SLC1A3: variants seen among roughly 807,000 people sequenced by gnomAD.
The protein encoded by SLC1A3 is solute carrier family 1 member 3.
SLC1A3 carries 21 observed loss-of-function variants against 48.1 expected under a neutral mutation model. That is an observed-to-expected ratio of 0.44 (90% CI 0.31 to 0.63). The LOEUF (loss-of-function observed/expected upper bound fraction) is 0.63, where lower values mean the gene tolerates loss of function less well. Among genes scored for constraint, SLC1A3 ranks in the 20% least tolerant of loss-of-function variants. The probability of loss-of-function intolerance (pLI) is 0.08; values close to 1 mark genes in which losing one functional copy is unlikely to be tolerated. For synonymous variants in SLC1A3, 239 were observed against 251.4 expected (o/e 0.95, Z 0.47); for missense variants, 546 against 689.0 (o/e 0.79, Z 2.32).
intron 3 of SLC1A3, 37 bp downstream of exon 3, chr5:36,629,624 T>A (rs775633205): frequency 2.5e-6 from 4 of 1,586,258 alleles, no homozygotes; most frequent in Non-Finnish European, 3.5e-6. Context: ...TGGTTTTTTT[T>A]AAGTGTGTTT....
chr5:36,645,319 CT>C (rs68027582), intron 3 of SLC1A3, among the ~76,000 whole-genome samples: 33,953 of 83,028 alleles, frequency 0.41, 13,453 homozygotes, highest in East Asian at 0.53. Context: ...CTTCCGCTGC[CT>C]TTTTTTTTTT....
intron 3 of SLC1A3, among the ~76,000 whole-genome samples, chr5:36,652,314 G>GCA (rs1415629131): frequency 4.7e-5 from 6 of 127,550 alleles, no homozygotes; most frequent in Non-Finnish European, 8.8e-5. Flanking sequence ...TGGCGTGAGC[G>GCA]CACACACACA....
At chr5:36,611,662 A>AT (rs1284926547) in intron 2 of SLC1A3, among the ~76,000 whole-genome samples, 1 of 152,188 alleles carries the variant, frequency 6.6e-6, no homozygotes, top group African/African-American at 2.4e-5. Context: ...AGGGCCCGTC[A>AT]TGAAAGCATT....
In SLC1A3 at chr5:36,620,062, A is replaced by C. The variant is rs1739601819; in HGVS notation, c.182-9388A>C. ...CCTGAAGAGATTGTGTGATTTGAAGATATGGAAACAGGCAGACCTAAGTTT... is the reference window on the plus strand; with the variant it reads ...CCTGAAGAGATTGTGTGATTTGAAGCTATGGAAACAGGCAGACCTAAGTTT... On this transcript the variant is annotated intron_variant, in intron 2 of 9. Coordinates refer to ENST00000265113, the MANE Select transcript of SLC1A3 (RefSeq NM_004172.5). Among the ~76,000 whole-genome samples the C allele has an allele frequency of 2.6e-5, 4 of 152,344 alleles. No homozygotes were observed. The South Asian group carries it at 8.3e-4, about 32-fold the overall frequency.
At chr5:36,622,867 C>T (rs1267948258) in intron 2 of SLC1A3, among the ~76,000 whole-genome samples, 1 of 151,068 alleles carries the variant, frequency 6.6e-6, no homozygotes, top group Non-Finnish European at 1.5e-5. Context: ...AAAAAATTAG[C>T]CGGGTGTGGT....
chr5:36,596,689 T>C (rs1738744708), intron 1 of SLC1A3, among the ~76,000 whole-genome samples: 1 of 152,188 alleles, frequency 6.6e-6, no homozygotes, highest in Non-Finnish European at 1.5e-5. Context: ...GTGAGTTCCA[T>C]CTTAAATATT....
chr5:36,671,508 T>C (rs1266746542), intron 4 of SLC1A3, among the ~76,000 whole-genome samples: 1 of 152,244 alleles, frequency 6.6e-6, no homozygotes, highest in Non-Finnish European at 1.5e-5. Flanking sequence ...CTCTCAACTA[T>C]GCAGCTCACC....
intron 3 of SLC1A3, among the ~76,000 whole-genome samples, chr5:36,659,518 C>T (rs974302901): frequency 2.6e-5 from 4 of 152,126 alleles, no homozygotes; most frequent in African/African-American, 9.7e-5. Flanking sequence ...CATCCATTTG[C>T]CAAGAGAGTG....
In SLC1A3 at chr5:36,686,819, CAA is replaced by C. The variant is rs147871333; in HGVS notation, c.*552_*553del. ...CACAGCTGTGAGGACAGACAGAAGG[CAA>C]AGTTTCCATGTGGCCTTGAGCAAGT... On this transcript the variant is annotated 3_prime_UTR_variant, in exon 10 of 10. Transcript: ENST00000265113. 43 of 169,944 alleles carry C rather than the reference CAA, an allele frequency of 2.5e-4. 1 individual carries two copies. The East Asian group carries it at 7.2e-3, about 28-fold the overall frequency. The allele number at this position is 169,944 out of a possible 1,614,324, so 10.5% of individuals were successfully genotyped here. A position where few individuals can be genotyped will look rare whatever the true frequency, so the allele number is the denominator to read the frequency against.
rs1445684476 is a variant in SLC1A3, at chr5:36,687,259, T to C, written c.*990T>C. ...ACTGATGATAGACTTCGAAAACAGA[T>C]GAGAAGACTAGCAGCTAGCAAGGGT... On this transcript the variant is annotated 3_prime_UTR_variant, in exon 10 of 10. Coordinates refer to ENST00000265113, the MANE Select transcript of SLC1A3 (RefSeq NM_004172.5). 6.6e-6 allele frequency: 1 copy of C among 152,210 alleles called. No individual in the cohort carries two copies. Among genetic ancestry groups the C allele is most frequent in the Admixed American group, 6.5e-5 (1 of 15,280 alleles). 9.4% of individuals were successfully genotyped at this position (152,210 alleles called of 1,614,324 possible). A position where few individuals can be genotyped will look rare whatever the true frequency, so the allele number is the denominator to read the frequency against.
chr5:36,626,788 C>T (rs376594331), intron 2 of SLC1A3, among the ~76,000 whole-genome samples: 1 of 152,106 alleles, frequency 6.6e-6, no homozygotes, highest in Non-Finnish European at 1.5e-5. Flanking sequence ...TTTATTAATT[C>T]CTATAAGTTA....
At chr5:36,622,371 T>G (rs1205405872) in intron 2 of SLC1A3, among the ~76,000 whole-genome samples, 2 of 152,240 alleles carry the variant, frequency 1.3e-5, no homozygotes, top group Non-Finnish European at 2.9e-5. Context: ...GACTTTGGTC[T>G]GCCAAATTGT....
chr5:36,613,932 T>TA (rs750625420), intron 2 of SLC1A3, among the ~76,000 whole-genome samples: 71 of 152,144 alleles, frequency 4.7e-4, no homozygotes, highest in Non-Finnish European at 7.9e-4. Context: ...ATAACACATG[T>TA]ACCCACAGCA....
At chr5:36,635,909 AATCAC>A (rs1740324549) in intron 3 of SLC1A3, 2 of 152,226 alleles carry the variant, frequency 1.3e-5, no homozygotes, top group African/African-American at 4.8e-5. Context: ...TCTAGGGGCT[AATCAC>A]AAACATGTGG....
At chr5:36,632,240 T>C (rs1002893179) in intron 3 of SLC1A3, among the ~76,000 whole-genome samples, 1 of 152,198 alleles carries the variant, frequency 6.6e-6, no homozygotes, top group Admixed American at 6.5e-5. Flanking sequence ...AAATCTCAAA[T>C]TTTTTAAGAA....
intron 3 of SLC1A3, among the ~76,000 whole-genome samples, chr5:36,636,831 TCTCTGGGCTCATGCAAC>T (rs1257430806): frequency 1.3e-5 from 2 of 151,984 alleles, no homozygotes; most frequent in African/African-American, 4.8e-5. Flanking sequence ...GACCTGAGGA[TCTCTGGGCTCATGCAAC>T]CTTGCTACCA....
At chr5:36,645,792 T>C (rs1740817777) in intron 3 of SLC1A3, among the ~76,000 whole-genome samples, 1 of 152,226 alleles carries the variant, frequency 6.6e-6, no homozygotes, top group African/African-American at 2.4e-5. Flanking sequence ...TCCTGTTATT[T>C]GAATTATCCA....
intron 3 of SLC1A3, among the ~76,000 whole-genome samples, chr5:36,647,974 G>A (rs1247752471): frequency 1.3e-5 from 2 of 152,080 alleles, no homozygotes; most frequent in Non-Finnish European, 2.9e-5. Flanking sequence ...GTAAGTGTAT[G>A]GTGAACATTT....
chr5:36,600,954 C>A (rs1738801348), intron 1 of SLC1A3, among the ~76,000 whole-genome samples: 1 of 152,236 alleles, frequency 6.6e-6, no homozygotes, highest in South Asian at 2.1e-4. Context: ...CCTGTTTTCT[C>A]AACCCAAAAC....
Sources: gnomAD v4.1 joint callset for allele counts (sites outside exome capture counted in the v4.1 genomes callset) on GRCh38, gnomAD v4.1.1 for gene constraint, MANE v1.5 for transcripts, NCBI Gene and HGNC (gene_info 2026-07-23, HGNC 2026-07-21) for gene names.